NBAS: variants seen among roughly 807,000 people sequenced by gnomAD.
NBAS encodes NAG/BC035112 fusion.
Under a neutral mutation model 302.5 loss-of-function variants are expected in NBAS, and 219 were observed. That is an observed-to-expected ratio of 0.72 (90% CI 0.65 to 0.81). The LOEUF (loss-of-function observed/expected upper bound fraction) is 0.81. Ranked by LOEUF, NBAS falls within the 30% of genes least tolerant of loss-of-function variation. NBAS has a pLI of 0.00. For missense variants in NBAS, 2,932 were observed against 2,841.6 expected (o/e 1.03, Z -0.72); for synonymous variants, 1,118 against 1,021.6 (o/e 1.09, Z -1.80).
the NBAS span, among the ~76,000 whole-genome samples, chr2:14,874,278 A>C: frequency 6.6e-6 from 1 of 152,182 alleles, no homozygotes; most frequent in African/African-American, 2.4e-5. Flanking sequence ...GTTAATGAGG[A>C]AACACTGCAG....
chr2:15,463,788 C>CAAAAAAAAAAAAA (rs55808465), intron 19 of NBAS, among the ~76,000 whole-genome samples: 9 of 91,588 alleles, frequency 9.8e-5, no homozygotes, highest in Admixed American at 1.3e-4. Flanking sequence ...GAACCAAATG[C>CAAAAAAAAAAAAA]AAAAAAAAAA....
the NBAS span, among the ~76,000 whole-genome samples, chr2:14,855,763 C>G: frequency 2.0e-5 from 3 of 152,282 alleles, no homozygotes. Context: ...CAATAGAACA[C>G]TAAGTAGGCC....
At chr2:15,468,608 T>C in intron 16 of NBAS, 75 bp from the exon 17 acceptor site, 1 of 1,523,920 alleles carries the variant, frequency 6.6e-7, no homozygotes, top group Non-Finnish European at 9.1e-7. Context: ...GCCTTCAGAA[T>C]TGTAAAGCTA....
the NBAS span, among the ~76,000 whole-genome samples, chr2:14,781,081 A>G: frequency 2.0e-5 from 3 of 152,236 alleles, no homozygotes; most frequent in Non-Finnish European, 2.9e-5. Flanking sequence ...CATACTGGAA[A>G]ATATGCAATA....
At chr2:15,119,401 C>T in the NBAS span, among the ~76,000 whole-genome samples, 1 of 151,248 alleles carries the variant, frequency 6.6e-6, no homozygotes, top group Non-Finnish European at 1.5e-5. Context: ...CTCCACCTCC[C>T]GAGTTCCAGC....
intron 21 of NBAS, among the ~76,000 whole-genome samples, chr2:15,447,274 A>G (rs1438664119): frequency 6.6e-6 from 1 of 152,240 alleles, no homozygotes; most frequent in Non-Finnish European, 1.5e-5. Flanking sequence ...TTGTTCATAA[A>G]TAACACTTTA....
intron 29 of NBAS, among the ~76,000 whole-genome samples, chr2:15,380,634 C>T (rs1254897547): frequency 6.6e-6 from 1 of 151,744 alleles, no homozygotes; most frequent in Non-Finnish European, 1.5e-5. Context: ...CAACTAACAA[C>T]ATCAATTAAC....
At chr2:15,102,970 C>T in the NBAS span, among the ~76,000 whole-genome samples, 1 of 89,644 alleles carries the variant, frequency 1.1e-5, no homozygotes, top group African/African-American at 5.5e-5. Context: ...CATGGGGAGG[C>T]ATTAAGGAGG....
intron 40 of NBAS, among the ~76,000 whole-genome samples, chr2:15,298,397 G>A (rs182038042): frequency 3.9e-5 from 6 of 152,030 alleles, no homozygotes; most frequent in Non-Finnish European, 8.8e-5. Flanking sequence ...TACTTACAGG[G>A]GAAAAACACA....
chr2:15,361,861 T>C (rs1209008355), intron 32 of NBAS, among the ~76,000 whole-genome samples: 3 of 151,702 alleles, frequency 2.0e-5, no homozygotes, highest in South Asian at 4.2e-4. Context: ...ATGCCTGTAA[T>C]CCCAGCTACT....
chr2:15,143,115 C>A, the NBAS span, among the ~76,000 whole-genome samples: 1,735 of 152,330 alleles, frequency 0.011, 35 homozygotes, highest in African/African-American at 0.04. Context: ...ATCAGAAGAT[C>A]TGGAAGCCTA....
intron 50 of NBAS, among the ~76,000 whole-genome samples, chr2:15,183,531 C>A (rs921729713): frequency 6.6e-6 from 1 of 152,206 alleles, no homozygotes; most frequent in African/African-American, 2.4e-5. Flanking sequence ...TGAAGCAGTA[C>A]ACATACAGCC....
chr2:15,531,393 C>T (rs182229182), intron 9 of NBAS, among the ~76,000 whole-genome samples: 1 of 152,194 alleles, frequency 6.6e-6, no homozygotes, highest in East Asian at 1.9e-4. Context: ...ACCCTGAATG[C>T]ACCTGATCTC....
At chr2:15,358,730 C>A (rs770508672) in intron 32 of NBAS, among the ~76,000 whole-genome samples, 7 of 152,288 alleles carry the variant, frequency 4.6e-5, no homozygotes, top group Non-Finnish European at 1.0e-4. Context: ...GAGGCATGAA[C>A]CAACACACCT....
At chr2:15,361,086 C>T (rs138546989) in intron 32 of NBAS, among the ~76,000 whole-genome samples, 9 of 152,276 alleles carry the variant, frequency 5.9e-5, no homozygotes, top group Middle Eastern at 3.4e-3. Flanking sequence ...CGTGTTATAA[C>T]GGCTGATGTC....
chr2:15,443,473 C>G (rs2148519835), intron 21 of NBAS, among the ~76,000 whole-genome samples: 1 of 152,036 alleles, frequency 6.6e-6, no homozygotes, highest in Middle Eastern at 3.4e-3. Flanking sequence ...TAAAAACTCT[C>G]AATAAATTAG....
rs143292248 is a variant in NBAS at position 15,474,797 on chromosome 2, T to C, written c.1342-473A>G. ...GCTGGTCACAAATTCCTGGCCTTAA[T>C]TGATCCACCCGCCTTGGCCTCCCAA... On this transcript the variant is annotated intron_variant, in intron 14 of 51. Transcript: ENST00000281513. 5.9e-3 allele frequency among the ~76,000 whole-genome samples: 896 copies of C among 152,256 alleles called. 7 individuals carry two copies. Among genetic ancestry groups the C allele is most frequent in the African/African-American group, 0.019 (794 of 41,552 alleles).
chr2:14,831,680 G>C, the NBAS span, among the ~76,000 whole-genome samples: 3 of 152,148 alleles, frequency 2.0e-5, no homozygotes, highest in Non-Finnish European at 4.4e-5. Context: ...CTTATGTAAA[G>C]CTGCTTTCGA....
chr2:15,451,470 C>T (rs1679007483), intron 21 of NBAS, among the ~76,000 whole-genome samples: 1 of 152,100 alleles, frequency 6.6e-6, no homozygotes, highest in African/African-American at 2.4e-5. Context: ...ATATCATCAA[C>T]TTAAGGCCTA....
Sources: allele counts gnomAD v4.1 joint callset (sites outside exome capture counted in the v4.1 genomes callset), GRCh38; gene constraint gnomAD v4.1.1; transcripts MANE v1.5; gene names NCBI Gene and HGNC (gene_info 2026-07-23, HGNC 2026-07-21).